Variants in LGSN observed in about 807,000 individuals in gnomAD.
The protein encoded by LGSN is lengsin, lens protein with glutamine synthetase domain, also known as lengsin.
In LGSN, 21 loss-of-function variants were observed where a neutral mutation model predicts 19.5. That is an observed-to-expected ratio of 1.07 (90% confidence interval 0.76 to 1.55). LGSN has a LOEUF of 1.55. Ranked by LOEUF, LGSN falls within the 40% of genes most tolerant of loss-of-function variation. The pLI is 0.00. For missense variants in LGSN, 673 were observed against 608.5 expected, an observed-to-expected ratio of 1.11 and a Z score of -1.12; for synonymous variants, 257 against 215.6, an observed-to-expected ratio of 1.19 and a Z score of -1.68.
At chr6:63,568,140 A>C in the LGSN span, among the ~76,000 whole-genome samples, 3 of 152,228 alleles carry the variant, frequency 2.0e-5, no homozygotes, top group Admixed American at 1.3e-4. Flanking sequence ...TGTTCACTGG[A>C]GTGGCACTTT....
the LGSN span, among the ~76,000 whole-genome samples, chr6:63,461,175 C>T: frequency 1.3e-5 from 2 of 152,146 alleles, no homozygotes; most frequent in Non-Finnish European, 2.9e-5. Context: ...TCAAGCCTCC[C>T]GAGTAGCTGC....
At chr6:63,394,844 C>A in the LGSN span, among the ~76,000 whole-genome samples, 10 of 152,222 alleles carry the variant, frequency 6.6e-5, no homozygotes, top group Admixed American at 2.6e-4. Flanking sequence ...CCTCTGACAG[C>A]TCAGGAAGAC....
chr6:63,560,326 A>G, the LGSN span, among the ~76,000 whole-genome samples: 1 of 147,464 alleles, frequency 6.8e-6, no homozygotes. Context: ...TGACAAGAGT[A>G]AGACTCCGTC....
the LGSN span, among the ~76,000 whole-genome samples, chr6:63,495,717 CGGGATTATA>C: frequency 7.3e-5 from 11 of 151,336 alleles, no homozygotes; most frequent in East Asian, 2.0e-3. Context: ...ACCAAAGTGC[CGGGATTATA>C]GGCGTGAGCC....
At chr6:63,365,469 C>T in the LGSN span, among the ~76,000 whole-genome samples, 1 of 152,082 alleles carries the variant, frequency 6.6e-6, no homozygotes. Flanking sequence ...AAAAAAAGTC[C>T]AGGACCAGAT....
chr6:63,279,648 T>C lies in LGSN; in HGVS notation c.*373A>G, dbSNP rs1455725233. ...AAAATTTTTTCTCCTTTTCTTTTTTTTCTTTTTTAGTCATTTAAATTTTGC... is the reference window on the plus strand; with the variant it reads ...AAAATTTTTTCTCCTTTTCTTTTTTCTCTTTTTTAGTCATTTAAATTTTGC... On this transcript the variant is annotated 3_prime_UTR_variant, in exon 4 of 4. Coordinates refer to ENST00000370657, the MANE Select transcript of LGSN (RefSeq NM_016571.3). 2 of 160,660 alleles carry C rather than the reference T, an allele frequency of 1.2e-5. No homozygotes were observed. Among genetic ancestry groups the C allele is most frequent in the African/African-American group, 4.8e-5 (2 of 41,566 alleles). The allele number at this position is 160,660 out of a possible 1,614,324, so 10.0% of individuals were successfully genotyped here.
the LGSN span, among the ~76,000 whole-genome samples, chr6:63,548,063 C>T: frequency 6.6e-6 from 1 of 152,162 alleles, no homozygotes; most frequent in Non-Finnish European, 1.5e-5. Context: ...CCCCCATATT[C>T]CAAAACCCAC....
At chr6:63,518,303 C>T in the LGSN span, among the ~76,000 whole-genome samples, 1 of 152,170 alleles carries the variant, frequency 6.6e-6, no homozygotes, top group East Asian at 1.9e-4. Context: ...AACATCAATT[C>T]TCTTGCTTGT....
chr6:63,459,699 A>T, the LGSN span, among the ~76,000 whole-genome samples: 4 of 152,136 alleles, frequency 2.6e-5, no homozygotes, highest in African/African-American at 7.2e-5. Flanking sequence ...AGATCACTGG[A>T]GGTCAGGAGT....
the LGSN span, among the ~76,000 whole-genome samples, chr6:63,429,612 T>G: frequency 6.6e-6 from 1 of 151,826 alleles, no homozygotes; most frequent in African/African-American, 2.4e-5. Context: ...CGCGGGCGCC[T>G]GTAATTCCAG....
chr6:63,386,007 A>T, the LGSN span, among the ~76,000 whole-genome samples: 1 of 152,186 alleles, frequency 6.6e-6, no homozygotes, highest in Admixed American at 6.5e-5. Flanking sequence ...AATAAATTTG[A>T]TGTTAATATA....
the LGSN span, among the ~76,000 whole-genome samples, chr6:63,493,739 A>C: frequency 6.6e-6 from 1 of 152,196 alleles, no homozygotes; most frequent in South Asian, 2.1e-4. Context: ...TGACACTTCT[A>C]AGCCCCATGA....
At chr6:63,521,394 C>G in the LGSN span, among the ~76,000 whole-genome samples, 1 of 152,270 alleles carries the variant, frequency 6.6e-6, no homozygotes, top group Non-Finnish European at 1.5e-5. Flanking sequence ...TCTCCCCAAT[C>G]TAATTATTTC....
the LGSN span, among the ~76,000 whole-genome samples, chr6:63,554,456 T>C: frequency 6.6e-6 from 1 of 152,142 alleles, no homozygotes; most frequent in Non-Finnish European, 1.5e-5. Flanking sequence ...CAGCCTGAAT[T>C]AGGTATCTCT....
At chr6:63,414,774 G>A in the LGSN span, among the ~76,000 whole-genome samples, 1 of 152,162 alleles carries the variant, frequency 6.6e-6, no homozygotes, top group Non-Finnish European at 1.5e-5. Context: ...AATTAGCCTT[G>A]TGTGGTGGTG....
chr6:63,518,201 T>A, the LGSN span, among the ~76,000 whole-genome samples: 1 of 152,046 alleles, frequency 6.6e-6, no homozygotes, highest in Non-Finnish European at 1.5e-5. Context: ...GACTATCCCT[T>A]TACTATGGAA....
intron 1 of LGSN, among the ~76,000 whole-genome samples, chr6:63,309,957 C>T (rs1768557455): frequency 6.6e-6 from 1 of 152,130 alleles, no homozygotes; most frequent in Non-Finnish European, 1.5e-5. Flanking sequence ...TATTTCTTTG[C>T]TGAAAATACC....
the LGSN span, among the ~76,000 whole-genome samples, chr6:63,569,666 G>A: frequency 0.048 from 7,253 of 152,304 alleles, 410 homozygotes; most frequent in African/African-American, 0.14. Flanking sequence ...TGAGGTTAAG[G>A]ACACATGTTT....
chr6:63,515,283 G>A, the LGSN span, among the ~76,000 whole-genome samples: 2 of 152,210 alleles, frequency 1.3e-5, no homozygotes, highest in Middle Eastern at 3.4e-3. Context: ...CCAGGCTAGC[G>A]TGCAATGGTG....
Sources: allele counts gnomAD v4.1 joint callset (sites outside exome capture counted in the v4.1 genomes callset), GRCh38; gene constraint gnomAD v4.1.1; transcripts MANE v1.5; gene names NCBI Gene and HGNC (gene_info 2026-07-23, HGNC 2026-07-21).